The following PRDM10 variants were observed in gnomAD, a reference collection of about 807,000 sequenced individuals.
PRDM10 encodes PR domain zinc finger protein 10.
In PRDM10, 65 loss-of-function variants were observed where a neutral mutation model predicts 133.1. That is an observed-to-expected ratio of 0.49 (90% CI 0.40 to 0.60). The LOEUF is 0.60. Ranked by LOEUF, PRDM10 falls within the 20% of genes least tolerant of loss-of-function variation. The probability of loss-of-function intolerance (pLI) is 0.00; values close to 1 mark genes in which losing one functional copy is unlikely to be tolerated. For missense variants in PRDM10, 1,137 were observed against 1,507.1 expected (o/e 0.75, Z 4.07); for synonymous variants, 582 against 580.4 (o/e 1.00, Z -0.04).
intron 13 of PRDM10, among the ~76,000 whole-genome samples, chr11:129,919,713 T>C (rs1439516166): frequency 6.6e-6 from 1 of 152,260 alleles, no homozygotes; most frequent in East Asian, 1.9e-4. Flanking sequence ...ATAAAGACTC[T>C]GAGGCTTTCT....
intron 18 of PRDM10, 122 bp from the exon 19 acceptor site, chr11:129,910,778 A>ATT: frequency 1.5e-5 from 14 of 907,170 alleles, no homozygotes; most frequent in Admixed American, 3.8e-5. Flanking sequence ...TATCGTTGCT[A>ATT]TTTTTTTTTT....
intron 19 of PRDM10, among the ~76,000 whole-genome samples, chr11:129,906,587 C>A (rs1247757508): frequency 6.6e-6 from 1 of 152,156 alleles, no homozygotes; most frequent in Non-Finnish European, 1.5e-5. Flanking sequence ...AAGTGTTTAT[C>A]CTGCCTTTCT....
chr11:129,914,892 T>A lies in PRDM10; in HGVS notation c.2653A>T (p.Thr885Ser). Residue 885 changes from threonine to serine, a missense_variant, in exon 17 of 21, where the codon ACT (threonine) becomes TCT (serine). Thr to Ser is a moderately conservative substitution (Grantham distance 58, BLOSUM62 1). This residue lies in a region of PRDM10 where 113 missense variants were observed against 143.7 expected (regional missense o/e 0.79). Transcript: ENST00000360871. ...TPAVLTTDSATGETVVTTDLL... is the reference protein window; with the variant it reads ...TPAVLTTDSASGETVVTTDLL... ...TCCGTCGTCACCACAGTCTCTCCAG[T>A]GGCGCTGTCTGTAGTCAAAACCGCT... is the stretch of plus-strand genomic sequence containing the variant. 2 of 1,614,186 alleles carry A rather than the reference T, an allele frequency of 1.2e-6. No homozygotes were observed. Among genetic ancestry groups the A allele is most frequent in the Non-Finnish European group, 1.7e-6 (2 of 1,180,030 alleles).
intron 1 of PRDM10, among the ~76,000 whole-genome samples, chr11:130,000,077 CTT>C (rs1939266107): frequency 1.4e-5 from 2 of 140,036 alleles, no homozygotes; most frequent in African/African-American, 5.3e-5. Context: ...GAGTTTCGCT[CTT>C]GTTGCCCAGG....
intron 1 of PRDM10, among the ~76,000 whole-genome samples, chr11:130,001,445 G>A (rs184638630): frequency 6.6e-5 from 10 of 152,258 alleles, no homozygotes; most frequent in Admixed American, 1.3e-4. Context: ...TAGAGAATTT[G>A]GGGTGACGAG....
At chr11:129,968,503 G>A (rs188284889) in intron 1 of PRDM10, among the ~76,000 whole-genome samples, 17 of 152,180 alleles carry the variant, frequency 1.1e-4, no homozygotes, top group African/African-American at 3.9e-4. Flanking sequence ...CCAGACAGAC[G>A]GGGACCAGGT....
intron 1 of PRDM10, among the ~76,000 whole-genome samples, chr11:130,002,185 G>C (rs952106002): frequency 6.8e-6 from 1 of 147,898 alleles, no homozygotes; most frequent in African/African-American, 2.4e-5. Flanking sequence ...GGCCGGCGGA[G>C]ACCTGCCCGC....
intron 6 of PRDM10, among the ~76,000 whole-genome samples, chr11:129,944,259 G>A (rs1951315686): frequency 6.6e-6 from 1 of 152,092 alleles, no homozygotes; most frequent in Non-Finnish European, 1.5e-5. Flanking sequence ...GAAAACTACC[G>A]TAGCCCCCCA....
chr11:129,964,509 C>G (rs1951865248), intron 1 of PRDM10, among the ~76,000 whole-genome samples: 1 of 152,172 alleles, frequency 6.6e-6, no homozygotes. Flanking sequence ...TACATATATA[C>G]TCTCTCCCTC....
At chr11:129,942,384 C>T in intron 7 of PRDM10, 42 bp downstream of exon 7, 1 of 1,576,628 alleles carries the variant, frequency 6.3e-7, no homozygotes, top group Non-Finnish European at 8.6e-7. Flanking sequence ...TAAACAATCA[C>T]TCTTGCTAGC....
Position 129,902,523 on chromosome 11 carries a change from GA to G in PRDM10, c.3268-8del. ...CTGATAACACATAATGACCCTAGAG[GA>G]AGAAGAAAAGGATCCTTAAAAACTT... On this transcript the variant is annotated splice_polypyrimidine_tract_variant and splice_region_variant and intron_variant, in intron 20 of 20. Coordinates refer to ENST00000360871, the MANE Select transcript of PRDM10 (RefSeq NM_199437.2). 6.2e-7 allele frequency: 1 copy of G among 1,612,604 alleles called. No homozygotes were observed.
intron 1 of PRDM10, among the ~76,000 whole-genome samples, chr11:129,996,754 T>G (rs1484813700): frequency 6.6e-6 from 1 of 152,220 alleles, no homozygotes; most frequent in African/African-American, 2.4e-5. Context: ...AAGACCAGTT[T>G]GACCGAAGTG....
chr11:129,931,025 C>T lies in PRDM10; in HGVS notation c.1521G>A (p.Lys507=), dbSNP rs776645807. 6 of 1,609,980 alleles carry T rather than the reference C, an allele frequency of 3.7e-6. No individual in the cohort carries two copies. The highest frequency in any genetic ancestry group is 4.2e-6 in the Non-Finnish European group (5 of 1,178,002). ...GGCTTTCCCCACTTACTCGGATGCG[C>T]TTGGCTCTGCGCATGTCGTCGGCTG... is the stretch of plus-strand genomic sequence containing the variant. ...TLTADDMRRA[K]RIRNAALQHL... The change falls in exon 11 of 21, where the codon AAG becomes AAA. Residue 507 remains lysine (K), a synonymous_variant. Transcript: ENST00000360871.
intron 1 of PRDM10, among the ~76,000 whole-genome samples, chr11:129,996,383 G>A (rs1484893226): frequency 6.6e-6 from 1 of 152,144 alleles, no homozygotes; most frequent in African/African-American, 2.4e-5. Flanking sequence ...AGCTAAGAAT[G>A]GTTGTTACAT....
chr11:129,905,700 C>T lies in PRDM10; in HGVS notation c.3205G>A (p.Val1069Met), dbSNP rs750744612. The change falls in exon 20 of 21, where the codon GTG becomes ATG. Residue 1069 changes from valine to methionine, a missense_variant. By Grantham distance (21) the Val-to-Met change is conservative. Around this residue, in one of 6 missense-constraint regions of PRDM10, gnomAD observed 243 missense variants for 259.2 expected, o/e 0.94. Transcript: ENST00000360871. Reference sequence around the variant, plus strand: ...GTTGCCACACCACTGTCTGTAATCACAAACTGACCCGGAGGAAGCGTCATC... The same window carrying T: ...GTTGCCACACCACTGTCTGTAATCATAAACTGACCCGGAGGAAGCGTCATC... ...QMMTLPPGQF[V>M]ITDSGVATPV... 14 of 1,614,216 alleles carry T rather than the reference C, an allele frequency of 8.7e-6. No individual in the cohort carries two copies. The highest frequency in any genetic ancestry group is 1.6e-4 in the Middle Eastern group (1 of 6,062).
chr11:129,935,053 C>G (rs1356184805), intron 9 of PRDM10, 48 bp downstream of exon 9: 1 of 1,489,306 alleles, frequency 6.7e-7, no homozygotes, highest in Non-Finnish European at 9.4e-7. Flanking sequence ...AGAAATGATT[C>G]TGAACCTTTA....
At chr11:129,905,145 T>C (rs1456753429) in intron 20 of PRDM10, among the ~76,000 whole-genome samples, 3 of 152,066 alleles carry the variant, frequency 2.0e-5, no homozygotes, top group African/African-American at 7.2e-5. Flanking sequence ...GGGCGGATCA[T>C]GAGGTCAGGA....
chr11:129,930,910 C>A (rs1248351393), intron 11 of PRDM10, 106 bp downstream of exon 11: 2 of 1,454,768 alleles, frequency 1.4e-6, no homozygotes, highest in African/African-American at 2.8e-5. Flanking sequence ...AGGCTAGATG[C>A]AAGATTTCAG....
Position 129,978,026 on chromosome 11 carries a change from ATTT to A in PRDM10, c.-118-16947_-118-16945del, listed in dbSNP as rs10556101. Among the ~76,000 whole-genome samples, 430 of 148,986 alleles carry A rather than the reference ATTT, an allele frequency of 2.9e-3. 1 individual carries two copies. Among genetic ancestry groups the A allele is most frequent in the African/African-American group, 9.6e-3 (396 of 41,080 alleles). On this transcript the variant is annotated intron_variant, in intron 1 of 20. Transcript: ENST00000360871. ...CAGGCTTTCATAAAGGATTTCAACA[ATTT>A]TTTTTTTTTAAGAAAAGCTAATAAG...
Sources: gnomAD v4.1 joint callset for allele counts (sites outside exome capture counted in the v4.1 genomes callset) on GRCh38, gnomAD v4.1.1 for gene constraint, gnomAD v4.1.1 regional missense constraint, MANE v1.5 for transcripts, NCBI Gene and HGNC (gene_info 2026-07-23, HGNC 2026-07-21) for gene names.